The following UMODL1 variants were observed in gnomAD, a reference collection of about 807,000 sequenced individuals.
The protein encoded by UMODL1 is uromodulin-like 1.
A neutral mutation model predicts 136.3 loss-of-function variants in UMODL1; 128 were observed. The observed-to-expected ratio is 0.94, with a 90% CI of 0.81 to 1.09. The LOEUF is 1.09. UMODL1 is among the 50% of genes least tolerant of loss of function. The probability of loss-of-function intolerance (pLI) is 0.00; values close to 1 mark genes in which losing one functional copy is unlikely to be tolerated. For synonymous variants in UMODL1, 721 were observed against 720.0 expected (o/e 1.00, Z -0.02); for missense variants, 1,766 against 1,725.6 (o/e 1.02, Z -0.41).
At chr21:42,063,602 G>A (rs574782045) in intron 1 of UMODL1, among the ~76,000 whole-genome samples, 4 of 144,726 alleles carry the variant, frequency 2.8e-5, no homozygotes, top group South Asian at 4.5e-4. Context: ...TCACCTGATC[G>A]TTAGGACAGG....
intron 14 of UMODL1, among the ~76,000 whole-genome samples, chr21:42,117,630 C>T (rs183694550): frequency 3.3e-4 from 50 of 152,302 alleles, no homozygotes; most frequent in African/African-American, 1.1e-3. Flanking sequence ...AGTGGCCTGT[C>T]GTGGTAATAC....
At chr21:42,124,336 C>T (rs1052368589) in intron 17 of UMODL1, among the ~76,000 whole-genome samples, 17 of 152,064 alleles carry the variant, frequency 1.1e-4, no homozygotes, top group Admixed American at 5.2e-4. Flanking sequence ...GAGGGGCCGG[C>T]GGCTTCAGAG....
chr21:42,118,526 A>G (rs1426032151), intron 14 of UMODL1, among the ~76,000 whole-genome samples: 1 of 152,192 alleles, frequency 6.6e-6, no homozygotes, highest in Non-Finnish European at 1.5e-5. Context: ...ACTGTGTCCA[A>G]AGAGACAGAG....
In UMODL1 at chr21:42,115,729, G is replaced by A. The variant is rs1049736732; in HGVS notation, c.2363-144G>A. On this transcript the variant is annotated intron_variant, in intron 13 of 22. Coordinates refer to ENST00000408910, the MANE Select transcript of UMODL1 (RefSeq NM_001004416.3). ...CTGATGGGCTGTGTCCCTGAGCCCT[G>A]GCACTATTCCTTCTTTCTAGAACAC... 13 of 617,414 alleles carry A rather than the reference G, an allele frequency of 2.1e-5. No individual in the cohort carries two copies. The African/African-American group carries it at 2.4e-4, about 11-fold the overall frequency. The allele number at this position is 617,414 out of a possible 1,614,324, so 38.2% of individuals were successfully genotyped here. A position where few individuals can be genotyped will look rare whatever the true frequency, so the allele number is the denominator to read the frequency against.
chr21:42,134,917 C>G (rs904544097), intron 21 of UMODL1, among the ~76,000 whole-genome samples: 1 of 152,084 alleles, frequency 6.6e-6, no homozygotes, highest in African/African-American at 2.4e-5. Flanking sequence ...AGCCACCTTG[C>G]CTGGCAATTT....
At chr21:42,098,715 C>T (rs1367774121) in intron 6 of UMODL1, among the ~76,000 whole-genome samples, 5 of 152,106 alleles carry the variant, frequency 3.3e-5, no homozygotes, top group East Asian at 1.9e-4. Flanking sequence ...TGCAGTGAGC[C>T]GAGATCGCAC....
chr21:42,092,927 C>G (rs1313649510), intron 6 of UMODL1, among the ~76,000 whole-genome samples: 1 of 152,172 alleles, frequency 6.6e-6, no homozygotes, highest in East Asian at 1.9e-4. Flanking sequence ...CAAGGCTGGT[C>G]CTCTGAAGAC....
rs189156850 is a variant in UMODL1, at chr21:42,126,167, C to T, written c.3148-178C>T. ...TGGTCAATAGGGAATGAGCAGAGGC[C>T]GAGCCCTTAGGCTCTTAGGCAGTTT... is the stretch of plus-strand genomic sequence containing the variant. On this transcript the variant is annotated intron_variant, in intron 17 of 22. Coordinates refer to ENST00000408910, the MANE Select transcript of UMODL1 (RefSeq NM_001004416.3). Among the ~76,000 whole-genome samples the T allele has an allele frequency of 7.9e-5, 12 of 152,244 alleles. No homozygotes were observed. The East Asian group carries it at 1.7e-3, about 22-fold the overall frequency.
At chr21:42,104,876 G>A (rs752223292) in intron 9 of UMODL1, among the ~76,000 whole-genome samples, 5 of 152,210 alleles carry the variant, frequency 3.3e-5, no homozygotes, top group Admixed American at 1.3e-4. Context: ...AGAAAGGCAC[G>A]GAGACCAGGT....
rs1274662758 is a variant in UMODL1 at position 42,126,400 on chromosome 21, G to A, written c.3203G>A (p.Gly1068Asp). 6 of 1,614,194 alleles carry A rather than the reference G, an allele frequency of 3.7e-6. No homozygotes were observed. The highest frequency in any genetic ancestry group is 2.2e-5 in the East Asian group (1 of 44,876). ...TTLRNDLSQE[G>D]IIHHLKILSP... ...CTGAGGAACGACCTGTCCCAGGAGG[G>A]CATCATCCACCACCTGAAGATCCTG... Residue 1068 changes from glycine (G) to aspartate (D), a missense_variant, in exon 18 of 23, where the codon GGC (glycine) becomes GAC (aspartate). By Grantham distance (94) the Gly-to-Asp change is moderately conservative. Transcript: ENST00000408910.
chr21:42,129,921 A>G (rs2067111806), intron 21 of UMODL1, 124 bp downstream of exon 21: 3 of 694,824 alleles, frequency 4.3e-6, no homozygotes, highest in African/African-American at 1.8e-5. Context: ...TAAGAGGCTT[A>G]TCATAACAGA....
chr21:42,077,142 C>T (rs2066304139), intron 2 of UMODL1, among the ~76,000 whole-genome samples: 1 of 150,918 alleles, frequency 6.6e-6, no homozygotes, highest in Admixed American at 6.6e-5. Context: ...CCTTGCACCC[C>T]CACTGTGGAG....
At chr21:42,119,476 C>T in intron 15 of UMODL1, 152 bp downstream of exon 15, 1 of 681,318 alleles carries the variant, frequency 1.5e-6, no homozygotes, top group Non-Finnish European at 2.5e-6. Flanking sequence ...TAGATAGGAC[C>T]CTGTCTGTCC....
At position 42,110,699 on chromosome 21, in the gene UMODL1, C is replaced by G. The variant is rs532567400; in HGVS notation, c.1658-181C>G. Among the ~76,000 whole-genome samples, 4 of 152,286 alleles carry G rather than the reference C, an allele frequency of 2.6e-5. No homozygotes were observed. The South Asian group carries it at 8.3e-4, about 32-fold the overall frequency. Reference sequence around the variant, plus strand: ...GGCGTGATTTGCCTTCAGAGAGCCCCGGGGAGGCTGCAAACATGGGCCCAG... The same window carrying G: ...GGCGTGATTTGCCTTCAGAGAGCCCGGGGGAGGCTGCAAACATGGGCCCAG... On this transcript the variant is annotated intron_variant, in intron 10 of 22. Coordinates refer to ENST00000408910, the MANE Select transcript of UMODL1 (RefSeq NM_001004416.3).
At chr21:42,130,866 G>A (rs2067125638) in intron 21 of UMODL1, among the ~76,000 whole-genome samples, 2 of 150,864 alleles carry the variant, frequency 1.3e-5, no homozygotes, top group Non-Finnish European at 2.9e-5. Context: ...CTGGAGTGCA[G>A]TGGTGCGATC....
At chr21:42,124,319 C>A (rs774044784) in intron 17 of UMODL1, among the ~76,000 whole-genome samples, 1 of 152,136 alleles carries the variant, frequency 6.6e-6, no homozygotes, top group Non-Finnish European at 1.5e-5. Context: ...ATCAGGGAAG[C>A]TGCCTGGAGG....
At chr21:42,116,883 C>T (rs1020383380) in intron 14 of UMODL1, among the ~76,000 whole-genome samples, 1 of 152,132 alleles carries the variant, frequency 6.6e-6, no homozygotes, top group South Asian at 2.1e-4. Flanking sequence ...CTAGACTAGC[C>T]TGGCCAACAT....
In UMODL1 at chr21:42,088,322, C is replaced by A. The variant is rs1196894669; in HGVS notation, c.632C>A (p.Ser211Tyr). ...LVTSALQPMA[S>Y]TVHHLHSAPG... ...ACCAGCGCCCTGCAACCAATGGCCT[C>A]CACCGTCCACCACCTGCACTCAGCC... The change falls in exon 5 of 23, where the codon TCC becomes TAC. Residue 211 changes from serine to tyrosine, a missense_variant. By Grantham distance (144) the Ser-to-Tyr change is moderately radical. Coordinates refer to ENST00000408910, the MANE Select transcript of UMODL1 (RefSeq NM_001004416.3). 1.2e-6 allele frequency: 2 copies of A among 1,613,578 alleles called. No individual in the cohort carries two copies. The highest frequency in any genetic ancestry group is 1.7e-6 in the Non-Finnish European group (2 of 1,179,762).
In UMODL1 at chr21:42,126,369, A is replaced by G. The variant is rs756998998; in HGVS notation, c.3172A>G (p.Thr1058Ala). The change falls in exon 18 of 23, where the codon ACC (threonine) becomes GCC (alanine). Residue 1058 changes from threonine to alanine, a missense_variant. Coordinates refer to ENST00000408910, the MANE Select transcript of UMODL1 (RefSeq NM_001004416.3). Reference protein sequence around the residue: ...QSNMTNTVVRTTLRNDLSQEG... With the variant: ...QSNMTNTVVRATLRNDLSQEG... Reference sequence around the variant, plus strand: ...GAACATGACGAACACCGTGGTGAGGACCACGCTGAGGAACGACCTGTCCCA... The same window carrying G: ...GAACATGACGAACACCGTGGTGAGGGCCACGCTGAGGAACGACCTGTCCCA... 11 of 1,614,140 alleles carry G rather than the reference A, an allele frequency of 6.8e-6. No individual in the cohort carries two copies. The highest frequency in any genetic ancestry group is 9.3e-6 in the Non-Finnish European group (11 of 1,180,024).
Sources: allele counts gnomAD v4.1 joint callset (sites outside exome capture counted in the v4.1 genomes callset), GRCh38; gene constraint gnomAD v4.1.1; transcripts MANE v1.5; gene names NCBI Gene and HGNC (gene_info 2026-07-23, HGNC 2026-07-21).